KAT7: variants seen among roughly 807,000 people sequenced by gnomAD.
The protein encoded by KAT7 is lysine acetyltransferase 7.
Under a neutral mutation model 82.1 loss-of-function variants are expected in KAT7, and 10 were observed. The observed-to-expected ratio is 0.12, with a 90% confidence interval of 0.08 to 0.21. The LOEUF is 0.21. Among genes scored for constraint, KAT7 ranks in the 10% least tolerant of loss-of-function variants. KAT7 has a pLI of 1.00. For missense variants in KAT7, 378 were observed against 760.9 expected, an observed-to-expected ratio of 0.50 and a Z score of 5.92; for synonymous variants, 250 against 262.5, an observed-to-expected ratio of 0.95 and a Z score of 0.46.
intron 6 of KAT7, among the ~76,000 whole-genome samples, chr17:49,810,379 C>T (rs1391866638): frequency 6.6e-6 from 1 of 152,182 alleles, no homozygotes; most frequent in Non-Finnish European, 1.5e-5. Flanking sequence ...GCCTCAGTCT[C>T]CCAAGTAGCT....
At chr17:49,790,915 A>G (rs1428660775) in intron 1 of KAT7, among the ~76,000 whole-genome samples, 2 of 152,222 alleles carry the variant, frequency 1.3e-5, no homozygotes, top group Admixed American at 1.3e-4. Context: ...TAAAGGGTAT[A>G]GTGTTAGTGC....
chr17:49,821,730 G>A lies in KAT7; in HGVS notation c.1326G>A (p.Leu442=). The A allele has an allele frequency of 1.2e-6, 2 of 1,613,864 alleles. No homozygotes were observed. Among genetic ancestry groups the A allele is most frequent in the Non-Finnish European group, 1.7e-6 (2 of 1,179,874 alleles). The part of the protein sequence containing the change: ...KTLYYDVEPF[L]FYVMTEADNT... The stretch of plus-strand genomic sequence containing the variant: ...TATATTATGATGTGGAGCCCTTCCT[G>A]TTCTATGTTATGACAGAGGCGGACA... Residue 442 remains leucine (L), a synonymous_variant, in exon 11 of 15, where the codon CTG becomes CTA. Transcript: ENST00000259021.
At chr17:49,801,981 A>G (rs1221543104) in intron 4 of KAT7, among the ~76,000 whole-genome samples, 1 of 152,206 alleles carries the variant, frequency 6.6e-6, no homozygotes, top group Non-Finnish European at 1.5e-5. Context: ...TTCTACATAT[A>G]TAAGCACACG....
chr17:49,804,375 T>C (rs2074064862), intron 4 of KAT7, among the ~76,000 whole-genome samples: 1 of 147,582 alleles, frequency 6.8e-6, no homozygotes, highest in African/African-American at 2.6e-5. Flanking sequence ...CGAGACTCCG[T>C]CTCAAAAAAA....
chr17:49,813,733 A>T (rs1789433848), intron 7 of KAT7, among the ~76,000 whole-genome samples: 1 of 152,216 alleles, frequency 6.6e-6, no homozygotes, highest in Non-Finnish European at 1.5e-5. Flanking sequence ...ATACTGCTGG[A>T]TGTGCCCAGG....
chr17:49,807,167 CAG>C (rs1054078195), intron 5 of KAT7, among the ~76,000 whole-genome samples: 14 of 152,142 alleles, frequency 9.2e-5, no homozygotes, highest in African/African-American at 3.4e-4. Context: ...CATGTTCTCA[CAG>C]GGGGAGGCAA....
At chr17:49,826,955 G>T (rs1434537203) in intron 14 of KAT7, 156 bp downstream of exon 14, 3 of 568,358 alleles carry the variant, frequency 5.3e-6, no homozygotes, top group Non-Finnish European at 9.6e-6. Context: ...AGTGATGCCT[G>T]TGTTGCCTTA....
rs1199019778 is a variant in KAT7 at position 49,830,785 on chromosome 17, T to G, written c.*3283T>G. ...TACCTTGATAGCCTGCACCCTCCCC[T>G]CTACCGTTTTCTTCCACTATTTTTG... On this transcript the variant is annotated 3_prime_UTR_variant, in exon 15 of 15. Coordinates refer to ENST00000259021, the MANE Select transcript of KAT7 (RefSeq NM_007067.5). 1 of 152,180 alleles carries G rather than the reference T, an allele frequency of 6.6e-6. No homozygotes were observed. Among genetic ancestry groups the G allele is most frequent in the East Asian group, 1.9e-4 (1 of 5,198 alleles). 9.4% of individuals were successfully genotyped at this position (152,180 alleles called of 1,614,324 possible). A position where few individuals can be genotyped will look rare whatever the true frequency, so the allele number is the denominator to read the frequency against.
chr17:49,792,791 G>A (rs933761803), intron 2 of KAT7, among the ~76,000 whole-genome samples: 7 of 152,088 alleles, frequency 4.6e-5, no homozygotes, highest in African/African-American at 1.2e-4. Context: ...TATGATGCTC[G>A]GTAGGTTAGG....
In KAT7 at chr17:49,827,647, G is replaced by A. The variant is rs191144457; in HGVS notation, c.*145G>A. On this transcript the variant is annotated 3_prime_UTR_variant, in exon 15 of 15. Coordinates refer to ENST00000259021, the MANE Select transcript of KAT7 (RefSeq NM_007067.5). ...TCCCCCTCAGGACTGTCCTGGCTCCGACCTTTGTGTACACTGCAGACGCTG... is the reference window on the plus strand; with the variant it reads ...TCCCCCTCAGGACTGTCCTGGCTCCAACCTTTGTGTACACTGCAGACGCTG... The A allele has an allele frequency of 1.2e-4, 77 of 629,110 alleles. No homozygotes were observed. The highest frequency in any genetic ancestry group is 1.1e-3 in the African/African-American group (62 of 54,628). The allele number at this position is 629,110 out of a possible 1,614,324, so 39.0% of individuals were successfully genotyped here. A position where few individuals can be genotyped will look rare whatever the true frequency, so the allele number is the denominator to read the frequency against.
intron 1 of KAT7, among the ~76,000 whole-genome samples, chr17:49,790,775 C>A (rs890036990): frequency 1.3e-5 from 2 of 152,110 alleles, no homozygotes; most frequent in African/African-American, 4.8e-5. Flanking sequence ...AAAGTACTCC[C>A]CTTCTAAAAA....
chr17:49,822,990 C>T (rs2074324849), intron 11 of KAT7, among the ~76,000 whole-genome samples: 1 of 152,190 alleles, frequency 6.6e-6, no homozygotes, highest in South Asian at 2.1e-4. Context: ...CTTAAAATGA[C>T]ACTGGAGGTC....
chr17:49,812,944 A>G (rs375313581), intron 7 of KAT7, among the ~76,000 whole-genome samples: 1,823 of 119,402 alleles, frequency 0.015, 47 homozygotes, highest in African/African-American at 0.057. Context: ...CTCGTGATCC[A>G]CCCGCCTCGG....
intron 9 of KAT7, among the ~76,000 whole-genome samples, chr17:49,818,746 T>G (rs995697420): frequency 2.0e-5 from 3 of 151,692 alleles, no homozygotes; most frequent in African/African-American, 7.3e-5. Flanking sequence ...TTTCTTGTTT[T>G]TTTTTTTTTT....
rs888810233 is a variant in KAT7 at position 49,821,182 on chromosome 17, T to C, written c.1156-155T>C. On this transcript the variant is annotated intron_variant, in intron 9 of 14. Coordinates refer to ENST00000259021, the MANE Select transcript of KAT7 (RefSeq NM_007067.5). ...AATGACTTTGGAAGCCTTTGTTTTA[T>C]GGAAATAAAATCTCTGTTTTGCTGT... Among the ~76,000 whole-genome samples, 4 of 152,244 alleles carry C rather than the reference T, an allele frequency of 2.6e-5. No homozygotes were observed. In the East Asian group the frequency reaches 5.8e-4, roughly 22 times the overall value.
At chr17:49,817,140 C>G (rs973564876) in intron 8 of KAT7, among the ~76,000 whole-genome samples, 5 of 152,044 alleles carry the variant, frequency 3.3e-5, no homozygotes, top group Admixed American at 6.6e-5. Context: ...AAGGCAGATT[C>G]TAAATCAAGT....
chr17:49,798,297 C>G, intron 3 of KAT7, 22 bp from the exon 4 acceptor site: 3 of 1,609,868 alleles, frequency 1.9e-6, no homozygotes, highest in Non-Finnish European at 2.6e-6. Context: ...CTCATAACTT[C>G]TACCAATTGC....
chr17:49,807,277 G>A (rs1011941551), intron 5 of KAT7, among the ~76,000 whole-genome samples: 47 of 152,350 alleles, frequency 3.1e-4, no homozygotes, highest in African/African-American at 1.1e-3. Flanking sequence ...TTTCGGGGGT[G>A]AGGGTAGGGA....
At chr17:49,827,147 C>T in intron 14 of KAT7, 1 of 479,904 alleles carries the variant, frequency 2.1e-6, no homozygotes, top group South Asian at 3.4e-5. Flanking sequence ...AAACTCACAT[C>T]TAATTTTTTA....
Sources: allele counts gnomAD v4.1 joint callset (sites outside exome capture counted in the v4.1 genomes callset), GRCh38; gene constraint gnomAD v4.1.1; transcripts MANE v1.5; gene names NCBI Gene and HGNC (gene_info 2026-07-23, HGNC 2026-07-21).